DPYD: variants seen among roughly 807,000 people sequenced by gnomAD.
DPYD encodes the protein dihydropyrimidine dehydrogenase.
Under a neutral mutation model 116.2 loss-of-function variants are expected in DPYD, and 109 were observed. The observed-to-expected ratio is 0.94, with a 90% confidence interval of 0.80 to 1.10. The LOEUF is 1.10. Ranked by LOEUF, DPYD falls within the 50% of genes least tolerant of loss-of-function variation. The pLI, the probability that DPYD is intolerant of heterozygous loss-of-function variation, is 0.00. For missense variants in DPYD, 1,302 were observed against 1,254.5 expected (o/e 1.04, Z -0.57); for synonymous variants, 440 against 432.0 (o/e 1.02, Z -0.23).
Position 97,283,366 on chromosome 1 carries a change from A to C in DPYD, c.2299+21893T>G, listed in dbSNP as rs372912464. Among the ~76,000 whole-genome samples, 55 of 152,182 alleles carry C rather than the reference A, an allele frequency of 3.6e-4. 2 individuals carry two copies. In the East Asian group the frequency reaches 8.9e-3, roughly 25 times the overall value. On this transcript the variant is annotated intron_variant, in intron 18 of 22. Coordinates refer to ENST00000370192, the MANE Select transcript of DPYD (RefSeq NM_000110.4). ...TTCTTGTGCCAGAAAACATTGTCTT[A>C]GTTATTATAATTTTGAAATTGGTTT...
At chr1:97,609,989 T>G (rs184419915) in intron 8 of DPYD, among the ~76,000 whole-genome samples, 2 of 152,118 alleles carry the variant, frequency 1.3e-5, no homozygotes, top group African/African-American at 4.8e-5. Context: ...AGATCTACAA[T>G]GACAAAAATC....
intron 13 of DPYD, among the ~76,000 whole-genome samples, chr1:97,498,382 A>G (rs1351088950): frequency 6.6e-6 from 1 of 151,784 alleles, no homozygotes; most frequent in Non-Finnish European, 1.5e-5. Flanking sequence ...ATATTTTCGT[A>G]TTCTGAATTT....
chr1:97,207,372 T>C (rs1331423547), intron 19 of DPYD, among the ~76,000 whole-genome samples: 1 of 152,186 alleles, frequency 6.6e-6, no homozygotes, highest in Admixed American at 6.6e-5. Flanking sequence ...GATATGCCAA[T>C]GTATTTCAAG....
chr1:97,113,975 A>G (rs1651783867), intron 20 of DPYD, among the ~76,000 whole-genome samples: 1 of 152,028 alleles, frequency 6.6e-6, no homozygotes, highest in Non-Finnish European at 1.5e-5. Context: ...TCTCCTTCTC[A>G]TCATTGTTAG....
intron 19 of DPYD, among the ~76,000 whole-genome samples, chr1:97,204,150 G>C (rs1344656206): frequency 6.6e-6 from 1 of 152,122 alleles, no homozygotes; most frequent in Non-Finnish European, 1.5e-5. Context: ...ATATTTATGG[G>C]AGGGCTAGAG....
intron 18 of DPYD, among the ~76,000 whole-genome samples, chr1:97,251,851 A>C (rs1031301332): frequency 1.1e-4 from 16 of 152,176 alleles, no homozygotes; most frequent in African/African-American, 3.6e-4. Context: ...CCAAAGAAGC[A>C]GTTTGGCCCT....
chr1:97,313,473 T>C (rs1191921186), intron 16 of DPYD, among the ~76,000 whole-genome samples: 4 of 149,636 alleles, frequency 2.7e-5, no homozygotes, highest in African/African-American at 9.8e-5. Flanking sequence ...TAACTGTATA[T>C]ACCTGGAATG....
chr1:97,791,737 A>T (rs1005632559), intron 3 of DPYD, among the ~76,000 whole-genome samples: 3 of 152,230 alleles, frequency 2.0e-5, no homozygotes, highest in African/African-American at 7.2e-5. Flanking sequence ...CACTGAGGAC[A>T]GAGAAAAAAC....
chr1:97,711,342 G>C (rs1662274959), intron 5 of DPYD, among the ~76,000 whole-genome samples: 1 of 151,862 alleles, frequency 6.6e-6, no homozygotes, highest in African/African-American at 2.4e-5. Context: ...TTAGCCCACA[G>C]ATAGGCAAAA....
intron 13 of DPYD, among the ~76,000 whole-genome samples, chr1:97,486,484 T>C (rs1678643997): frequency 6.6e-6 from 1 of 152,092 alleles, no homozygotes; most frequent in Non-Finnish European, 1.5e-5. Context: ...GCCATGGAGA[T>C]TATGGGTAGA....
chr1:97,515,629 G>C, intron 13 of DPYD, 97 bp downstream of exon 13: 1 of 1,039,358 alleles, frequency 9.6e-7, no homozygotes, highest in Non-Finnish European at 1.4e-6. Flanking sequence ...AGTTTAATAA[G>C]TAGTATTTCT....
chr1:97,109,314 T>C (rs1313032008), intron 20 of DPYD, among the ~76,000 whole-genome samples: 1 of 152,118 alleles, frequency 6.6e-6, no homozygotes, highest in African/African-American at 2.4e-5. Flanking sequence ...TAACAATACA[T>C]AAAGAAAGAT....
intron 1 of DPYD, among the ~76,000 whole-genome samples, chr1:97,909,876 T>A (rs1203732852): frequency 6.6e-6 from 1 of 152,118 alleles, no homozygotes; most frequent in Non-Finnish European, 1.5e-5. Flanking sequence ...ACGTGGTATC[T>A]TTACTGTGCT....
At chr1:97,804,138 C>A (rs900751652) in intron 3 of DPYD, among the ~76,000 whole-genome samples, 1 of 151,604 alleles carries the variant, frequency 6.6e-6, no homozygotes, top group African/African-American at 2.4e-5. Flanking sequence ...CGTTATTTTT[C>A]TTGACCCTTA....
At chr1:97,499,870 T>G (rs1679479081) in intron 13 of DPYD, among the ~76,000 whole-genome samples, 1 of 151,968 alleles carries the variant, frequency 6.6e-6, no homozygotes, top group South Asian at 2.1e-4. Flanking sequence ...TTGTTACAAC[T>G]GCAACCTAAT....
intron 19 of DPYD, among the ~76,000 whole-genome samples, chr1:97,203,132 A>G (rs933946983): frequency 6.6e-6 from 1 of 152,066 alleles, no homozygotes; most frequent in Non-Finnish European, 1.5e-5. Context: ...GTTTCTCACC[A>G]TCAGGCTTTG....
chr1:97,081,686 C>CTTTCTT (rs1340822534), intron 22 of DPYD, among the ~76,000 whole-genome samples: 16 of 147,082 alleles, frequency 1.1e-4, no homozygotes, highest in African/African-American at 2.5e-4. Context: ...CCCAATTTTT[C>CTTTCTT]TTTCTTTTTC....
At chr1:97,612,484 T>C (rs1230465260) in intron 8 of DPYD, among the ~76,000 whole-genome samples, 1 of 152,002 alleles carries the variant, frequency 6.6e-6, no homozygotes, top group African/African-American at 2.4e-5. Context: ...AAGATGTAAA[T>C]GATTCCTCCC....
chr1:97,861,834 G>C (rs1671133197), intron 2 of DPYD, among the ~76,000 whole-genome samples: 1 of 151,938 alleles, frequency 6.6e-6, no homozygotes. Flanking sequence ...TGTTGCTGTG[G>C]AAGTATAAAT....
Sources: allele counts gnomAD v4.1 joint callset (sites outside exome capture counted in the v4.1 genomes callset), GRCh38; gene constraint gnomAD v4.1.1; transcripts MANE v1.5; gene names NCBI Gene and HGNC (gene_info 2026-07-23, HGNC 2026-07-21).